Variants in RHOQ observed in about 807,000 individuals in gnomAD.
RHOQ encodes the protein rho-related GTP-binding protein RhoQ.
A neutral mutation model predicts 25.8 loss-of-function variants in RHOQ; 7 were observed. The ratio of observed to expected loss-of-function variants is 0.27; its 90% CI spans 0.15 to 0.51. RHOQ has a LOEUF of 0.51. RHOQ is among the 20% of genes least tolerant of loss of function. The pLI is 0.97. For synonymous variants in RHOQ, 97 were observed against 98.6 expected (o/e 0.98, Z 0.10); for missense variants, 165 against 260.6 (o/e 0.63, Z 2.53).
At chr2:46,564,116 G>T (rs986652033) in intron 2 of RHOQ, among the ~76,000 whole-genome samples, 2 of 151,976 alleles carry the variant, frequency 1.3e-5, no homozygotes, top group Admixed American at 6.6e-5. Flanking sequence ...ACCAGCCTAG[G>T]CAACACAGTG....
At position 46,581,491 on chromosome 2, in the gene RHOQ, T is replaced by C; in HGVS notation, c.*408T>C. On this transcript the variant is annotated 3_prime_UTR_variant, in exon 5 of 5. Transcript: ENST00000238738. Reference sequence around the variant, plus strand: ...CCTTTGCTCCAGTTAATTGTTCTTGTATGTAAGTTGCTTTCTATTCCAGTA... The same window carrying C: ...CCTTTGCTCCAGTTAATTGTTCTTGCATGTAAGTTGCTTTCTATTCCAGTA... 3 of 1,611,210 alleles carry C rather than the reference T, an allele frequency of 1.9e-6. No homozygotes were observed. The highest frequency in any genetic ancestry group is 2.5e-6 in the Non-Finnish European group (3 of 1,179,398).
At chr2:46,544,636 C>G (rs1337298870) in intron 2 of RHOQ, among the ~76,000 whole-genome samples, 2 of 152,248 alleles carry the variant, frequency 1.3e-5, no homozygotes, top group African/African-American at 4.8e-5. Flanking sequence ...AGCCTCTTCC[C>G]AAACCCACTT....
At chr2:46,571,504 G>A (rs963550665) in intron 2 of RHOQ, among the ~76,000 whole-genome samples, 3 of 152,202 alleles carry the variant, frequency 2.0e-5, no homozygotes, top group Non-Finnish European at 4.4e-5. Flanking sequence ...ACAAATAGAT[G>A]TTATTTGAAT....
chr2:46,545,802 G>T (rs1236439675), intron 2 of RHOQ, among the ~76,000 whole-genome samples: 1 of 152,172 alleles, frequency 6.6e-6, no homozygotes, highest in Admixed American at 6.5e-5. Context: ...GTGGGTGTTG[G>T]ATGGCACCTC....
chr2:46,570,840 C>T (rs1335060695), intron 2 of RHOQ, among the ~76,000 whole-genome samples: 1 of 152,200 alleles, frequency 6.6e-6, no homozygotes, highest in Non-Finnish European at 1.5e-5. Context: ...TTATCTGTTA[C>T]CCCTTGTTCT....
At chr2:46,575,973 T>C (rs1297103885) in intron 2 of RHOQ, 114 bp from the exon 3 acceptor site, 2 of 767,062 alleles carry the variant, frequency 2.6e-6, no homozygotes, top group Non-Finnish European at 3.9e-6. Flanking sequence ...GTGCCATACA[T>C]TCCACTAGTG....
At chr2:46,546,493 T>TATATAC (rs1668064910) in intron 2 of RHOQ, among the ~76,000 whole-genome samples, 2 of 23,462 alleles carry the variant, frequency 8.5e-5, no homozygotes, top group African/African-American at 1.9e-4. Context: ...TATATATATA[T>TATATAC]ATATATATAT....
In RHOQ at chr2:46,548,676, A is replaced by G. The variant is rs562745686; in HGVS notation, c.201+4864A>G. Among the ~76,000 whole-genome samples the G allele has an allele frequency of 6.6e-6, 1 of 152,198 alleles. No homozygotes were observed. The highest frequency in any genetic ancestry group is 1.9e-4 in the East Asian group (1 of 5,170). ...AGCCCGGTGAGCAGAGCCTGGGAGG[A>G]GCCCCAGGGTTCCTTCCAGGCATCA... is the stretch of plus-strand genomic sequence containing the variant. On this transcript the variant is annotated intron_variant, in intron 2 of 4. Transcript: ENST00000238738. The surrounding 1 kb of genome is among the most constrained non-coding windows in gnomAD (Gnocchi z 5.2).
chr2:46,564,611 C>CT (rs1668671454), intron 2 of RHOQ, among the ~76,000 whole-genome samples: 1 of 152,220 alleles, frequency 6.6e-6, no homozygotes, highest in South Asian at 2.1e-4. Context: ...CTTAACTCCT[C>CT]TGTGCACTCT....
intron 1 of RHOQ, 68 bp from the exon 2 acceptor site, chr2:46,543,686 G>A: frequency 6.9e-7 from 1 of 1,447,402 alleles, no homozygotes; most frequent in Non-Finnish European, 9.6e-7. Context: ...TCCGGGTGGG[G>A]AGCGAAATTG....
chr2:46,576,597 C>A lies in RHOQ; in HGVS notation c.403C>A (p.Leu135Met). ...AGATGACCCCAAAACTTTAGCAAGA[C>A]TGAATGATATGAAAGAAAAACCTAT... ...LRDDPKTLAR[L>M]NDMKEKPICV... Residue 135 changes from leucine to methionine, a missense_variant, in exon 4 of 5, where the codon CTG becomes ATG. Coordinates refer to ENST00000238738, the MANE Select transcript of RHOQ (RefSeq NM_012249.4). This position sits in a 1 kb window ranked among gnomAD's most constrained non-coding sequence, Gnocchi z 5.1. The A allele has an allele frequency of 6.2e-7, 1 of 1,609,590 alleles. No homozygotes were observed. Among genetic ancestry groups the A allele is most frequent in the Non-Finnish European group, 8.5e-7 (1 of 1,177,650 alleles).
At position 46,575,133 on chromosome 2, in the gene RHOQ, G is replaced by T. The variant is rs114629735; in HGVS notation, c.202-954G>T. Among the ~76,000 whole-genome samples the T allele has an allele frequency of 4.1e-3, 627 of 152,152 alleles. 6 individuals carry two copies. The highest frequency in any genetic ancestry group is 0.015 in the African/African-American group (613 of 41,506). On this transcript the variant is annotated intron_variant, in intron 2 of 4. Coordinates refer to ENST00000238738, the MANE Select transcript of RHOQ (RefSeq NM_012249.4). ...ACCATCAGGAGTATAGCTGTTCTGG[G>T]GACTCTGAAGCAACAGTGTAAAATG...
Position 46,548,003 on chromosome 2 carries a change from A to G in RHOQ, c.201+4191A>G, listed in dbSNP as rs1042730277. 6.6e-6 allele frequency among the ~76,000 whole-genome samples: 1 copy of G among 152,184 alleles called. No homozygotes were observed. The highest frequency in any genetic ancestry group is 2.4e-5 in the African/African-American group (1 of 41,460). ...AAGCCCAGTTTATTCAGGTCCCAGAATATCCACACTCAGGAGGATGTGTGT... is the reference window on the plus strand; with the variant it reads ...AAGCCCAGTTTATTCAGGTCCCAGAGTATCCACACTCAGGAGGATGTGTGT... On this transcript the variant is annotated intron_variant, in intron 2 of 4. Transcript: ENST00000238738. This position sits in a 1 kb window ranked among gnomAD's most constrained non-coding sequence, Gnocchi z 5.2.
intron 2 of RHOQ, among the ~76,000 whole-genome samples, chr2:46,562,135 A>G (rs1668596613): frequency 6.6e-6 from 1 of 152,144 alleles, no homozygotes; most frequent in Admixed American, 6.5e-5. Flanking sequence ...ACAGGGACCT[A>G]GCCGGTTCCT....
chr2:46,550,929 A>G (rs771466867), intron 2 of RHOQ, among the ~76,000 whole-genome samples: 13 of 152,116 alleles, frequency 8.5e-5, no homozygotes, highest in African/African-American at 9.7e-5. Flanking sequence ...GGGCAAGTTC[A>G]TCGTGTGAAA....
chr2:46,573,065 AT>A (rs35844392), intron 2 of RHOQ, among the ~76,000 whole-genome samples: 72,581 of 142,784 alleles, frequency 0.51, 18,291 homozygotes, highest in East Asian at 0.61. Flanking sequence ...CTAACTGCCG[AT>A]TTTTTTTTTT....
At chr2:46,564,532 G>A (rs1054321531) in intron 2 of RHOQ, among the ~76,000 whole-genome samples, 1 of 152,174 alleles carries the variant, frequency 6.6e-6, no homozygotes, top group African/African-American at 2.4e-5. Context: ...AGATTGCACT[G>A]TATGCGTTTA....
At chr2:46,546,484 A>ATATATATATATATATATATG (rs1668061460) in intron 2 of RHOQ, among the ~76,000 whole-genome samples, 1 of 22,316 alleles carries the variant, frequency 4.5e-5, no homozygotes, top group Non-Finnish European at 7.3e-5. Context: ...GTGTATATAT[A>ATATATATATATATATATATG]TATATATATA....
At chr2:46,560,390 G>C (rs1251561387) in intron 2 of RHOQ, 8 of 325,042 alleles carry the variant, frequency 2.5e-5, no homozygotes, top group Non-Finnish European at 5.0e-5. Context: ...ACGTTCAGTT[G>C]GCTGGGACTT....
Sources: allele counts gnomAD v4.1 joint callset (sites outside exome capture counted in the v4.1 genomes callset), GRCh38; gene constraint gnomAD v4.1.1; non-coding constraint Gnocchi (gnomAD v3.1); transcripts MANE v1.5; gene names NCBI Gene and HGNC (gene_info 2026-07-23, HGNC 2026-07-21).